The following KCNH7 variants were observed in gnomAD, a reference collection of about 807,000 sequenced individuals.
The protein encoded by KCNH7 is potassium voltage-gated channel subfamily H member 7.
Under a neutral mutation model 120.8 loss-of-function variants are expected in KCNH7, and 49 were observed. That is an observed-to-expected ratio of 0.41 (90% CI 0.32 to 0.51). KCNH7 has a LOEUF of 0.51. KCNH7 is among the 20% of genes least tolerant of loss of function. The pLI, the probability that KCNH7 is intolerant of heterozygous loss-of-function variation, is 0.38. For synonymous variants in KCNH7, 547 were observed against 516.1 expected, an observed-to-expected ratio of 1.06 and a Z score of -0.81; for missense variants, 1,097 against 1,446.6, an observed-to-expected ratio of 0.76 and a Z score of 3.92.
intron 9 of KCNH7, among the ~76,000 whole-genome samples, chr2:162,421,932 A>G (rs1337265254): frequency 6.6e-6 from 1 of 152,158 alleles, no homozygotes; most frequent in African/African-American, 2.4e-5. Flanking sequence ...GCTTCAGCCA[A>G]CCCAGCAGCA....
intron 2 of KCNH7, among the ~76,000 whole-genome samples, chr2:162,749,265 C>CT (rs1399882923): frequency 2.0e-5 from 3 of 151,112 alleles, no homozygotes; most frequent in African/African-American, 4.9e-5. Context: ...TTTCGATCAC[C>CT]TTTTTTTTAA....
intron 2 of KCNH7, among the ~76,000 whole-genome samples, chr2:162,540,162 G>T (rs1692254942): frequency 6.6e-6 from 1 of 151,958 alleles, no homozygotes; most frequent in Non-Finnish European, 1.5e-5. Context: ...TTCAGACCTT[G>T]TTAAATGAAT....
At chr2:162,427,011 C>T (rs1226243340) in intron 8 of KCNH7, among the ~76,000 whole-genome samples, 1 of 151,736 alleles carries the variant, frequency 6.6e-6, no homozygotes, top group Non-Finnish European at 1.5e-5. Flanking sequence ...TTTTGCTCAA[C>T]ATAATGTTTT....
At chr2:162,419,707 C>T (rs1687643824) in intron 9 of KCNH7, among the ~76,000 whole-genome samples, 2 of 152,118 alleles carry the variant, frequency 1.3e-5, no homozygotes, top group Admixed American at 1.3e-4. Flanking sequence ...AGCCTCTGCC[C>T]TAAATAGTTT....
At chr2:162,667,173 C>A (rs1251923477) in intron 2 of KCNH7, among the ~76,000 whole-genome samples, 1 of 152,002 alleles carries the variant, frequency 6.6e-6, no homozygotes, top group Non-Finnish European at 1.5e-5. Flanking sequence ...GTGTACACCA[C>A]AATGCCCAGC....
At chr2:162,824,119 A>C (rs1685206755) in intron 2 of KCNH7, among the ~76,000 whole-genome samples, 1 of 152,228 alleles carries the variant, frequency 6.6e-6, no homozygotes, top group Non-Finnish European at 1.5e-5. Context: ...TAGATTAATA[A>C]CAAAAAGTAT....
intron 12 of KCNH7, among the ~76,000 whole-genome samples, chr2:162,393,328 CAGG>C (rs545768673): frequency 5.4e-4 from 82 of 151,946 alleles, no homozygotes; most frequent in Non-Finnish European, 5.9e-5. Flanking sequence ...GACTGAAGCT[CAGG>C]TGGTCTGGGA....
In KCNH7 at chr2:162,601,399, C is replaced by CTTTTTTTTTTTTTTT. The variant is rs60201823; in HGVS notation, c.308-64334_308-64320dup. ...AAATTTTAAAAAAGTACTTCTTGTG[C>CTTTTTTTTTTTTTTT]TTTTTTTTTTTTTTTTTTTTTTTTT... On this transcript the variant is annotated intron_variant, in intron 2 of 15. Coordinates refer to ENST00000332142, the MANE Select transcript of KCNH7 (RefSeq NM_033272.4). Among the ~76,000 whole-genome samples the CTTTTTTTTTTTTTTT allele has an allele frequency of 8.6e-3, 83 of 9,600 alleles. 30 individuals are homozygous for CTTTTTTTTTTTTTTT. The highest frequency in any genetic ancestry group is 0.026 in the East Asian group (10 of 382). 6.3% of individuals were successfully genotyped at this position (9,600 alleles called of 152,430 possible).
chr2:162,608,983 C>T (rs1429677917), intron 2 of KCNH7, among the ~76,000 whole-genome samples: 1 of 152,146 alleles, frequency 6.6e-6, no homozygotes, highest in Admixed American at 6.5e-5. Flanking sequence ...TAATAACAGA[C>T]CATTATTCCC....
intron 6 of KCNH7, among the ~76,000 whole-genome samples, chr2:162,464,831 C>G (rs183356436): frequency 6.6e-6 from 1 of 152,156 alleles, no homozygotes; most frequent in East Asian, 1.9e-4. Context: ...CTCTCATATA[C>G]AGATACATCA....
intron 2 of KCNH7, among the ~76,000 whole-genome samples, chr2:162,650,703 T>A (rs1006688062): frequency 6.8e-6 from 1 of 146,178 alleles, no homozygotes; most frequent in Non-Finnish European, 1.5e-5. Flanking sequence ...TTTCATCCCA[T>A]CAGCATGACT....
At chr2:162,524,099 G>T (rs1224764972) in intron 3 of KCNH7, among the ~76,000 whole-genome samples, 1 of 151,956 alleles carries the variant, frequency 6.6e-6, no homozygotes, top group Non-Finnish European at 1.5e-5. Flanking sequence ...ATTCCTGAAA[G>T]TAGATTGTGA....
intron 8 of KCNH7, 93 bp downstream of exon 8, chr2:162,435,105 A>G: frequency 2.0e-5 from 24 of 1,196,438 alleles, no homozygotes; most frequent in Non-Finnish European, 2.8e-5. Context: ...ATTTTCTGTA[A>G]TCTTTTTCTT....
chr2:162,673,453 C>G (rs1685429495), intron 2 of KCNH7, among the ~76,000 whole-genome samples: 1 of 151,966 alleles, frequency 6.6e-6, no homozygotes, highest in Admixed American at 6.6e-5. Context: ...ATAATTTATT[C>G]TTTCCCTACC....
intron 6 of KCNH7, among the ~76,000 whole-genome samples, chr2:162,500,714 C>T (rs1690658637): frequency 6.6e-6 from 1 of 151,928 alleles, no homozygotes; most frequent in African/African-American, 2.4e-5. Flanking sequence ...AAATATCATA[C>T]AAATCTATTA....
chr2:162,608,775 G>A (rs1216251187), intron 2 of KCNH7, among the ~76,000 whole-genome samples: 1 of 152,132 alleles, frequency 6.6e-6, no homozygotes, highest in Non-Finnish European at 1.5e-5. Flanking sequence ...TGAAGCCACA[G>A]CATTCTGTCT....
intron 3 of KCNH7, among the ~76,000 whole-genome samples, chr2:162,524,560 C>T (rs1691637970): frequency 6.6e-6 from 1 of 151,974 alleles, no homozygotes; most frequent in African/African-American, 2.4e-5. Context: ...TATTATCACA[C>T]AAAATAAGGA....
intron 2 of KCNH7, among the ~76,000 whole-genome samples, chr2:162,776,869 C>G (rs1035163113): frequency 1.3e-5 from 2 of 152,152 alleles, no homozygotes; most frequent in African/African-American, 4.8e-5. Context: ...AAGTAACTTT[C>G]TGGCTTGGGT....
At chr2:162,543,738 A>G (rs1191024139) in intron 2 of KCNH7, among the ~76,000 whole-genome samples, 6 of 152,246 alleles carry the variant, frequency 3.9e-5, no homozygotes, top group East Asian at 1.9e-4. Flanking sequence ...TCCAAGACTC[A>G]GATTCCTCAT....
Sources: allele counts gnomAD v4.1 joint callset (sites outside exome capture counted in the v4.1 genomes callset), GRCh38; gene constraint gnomAD v4.1.1; transcripts MANE v1.5; gene names NCBI Gene and HGNC (gene_info 2026-07-23, HGNC 2026-07-21).